Variants in KCNH1 observed in about 807,000 individuals in gnomAD.
KCNH1 encodes the protein voltage-gated delayed rectifier potassium channel KCNH1.
KCNH1 carries 27 observed loss-of-function variants against 69.2 expected under a neutral mutation model. The observed-to-expected ratio is 0.39, with a 90% CI of 0.29 to 0.54. The LOEUF is 0.54. Ranked by LOEUF, KCNH1 falls within the 20% of genes least tolerant of loss-of-function variation. The probability of loss-of-function intolerance (pLI) is 0.68; values close to 1 mark genes in which losing one functional copy is unlikely to be tolerated. For missense variants in KCNH1, 798 were observed against 1,261.6 expected, an observed-to-expected ratio of 0.63 and a Z score of 5.57; for synonymous variants, 456 against 487.7, an observed-to-expected ratio of 0.93 and a Z score of 0.86.
rs1332878510 is a variant in KCNH1 at position 211,085,758 on chromosome 1, T to C, written c.440-2860A>G. Among the ~76,000 whole-genome samples, 3 of 152,286 alleles carry C rather than the reference T, an allele frequency of 2.0e-5. No homozygotes were observed. The East Asian group carries it at 5.8e-4, about 29-fold the overall frequency. On this transcript the variant is annotated intron_variant, in intron 4 of 10. Transcript: ENST00000271751. ...AACCAGTTTGGTGAAAGATAATATG[T>C]ACAATTTGGACCAACAGTGTCCCTT...
intron 3 of KCNH1, among the ~76,000 whole-genome samples, chr1:211,099,112 ATTCT>A (rs1276900913): frequency 1.4e-4 from 22 of 152,226 alleles, no homozygotes; most frequent in Admixed American, 1.2e-3. Context: ...CATTAATAAA[ATTCT>A]TTCTAAATTA....
chr1:211,061,029 T>G (rs1690425043), intron 5 of KCNH1, among the ~76,000 whole-genome samples: 1 of 152,082 alleles, frequency 6.6e-6, no homozygotes, highest in African/African-American at 2.4e-5. Context: ...CAGGCCAATA[T>G]CCCTGATGAA....
intron 6 of KCNH1, among the ~76,000 whole-genome samples, chr1:210,967,938 A>G (rs1256020487): frequency 2.0e-5 from 3 of 151,818 alleles, no homozygotes. Flanking sequence ...ACATATGTAT[A>G]CATGTGCCAT....
rs1237048579 is a variant in KCNH1, at chr1:211,005,826, T to C, written c.1032+12957A>G. 3.9e-5 allele frequency among the ~76,000 whole-genome samples: 6 copies of C among 152,004 alleles called. No homozygotes were observed. The South Asian group carries it at 1.2e-3, about 32-fold the overall frequency. ...AAACACACAGTAGGGAAAAAAATATTTACAGCACATATAACCCATAAAGGG... is the reference window on the plus strand; with the variant it reads ...AAACACACAGTAGGGAAAAAAATATCTACAGCACATATAACCCATAAAGGG... On this transcript the variant is annotated intron_variant, in intron 6 of 10. Coordinates refer to ENST00000271751, the MANE Select transcript of KCNH1 (RefSeq NM_172362.3).
At chr1:211,113,089 G>GT (rs1001118348) in intron 1 of KCNH1, among the ~76,000 whole-genome samples, 2 of 151,888 alleles carry the variant, frequency 1.3e-5, no homozygotes, top group Admixed American at 6.6e-5. Flanking sequence ...ATATATCATG[G>GT]TTTTTTTCAA....
chr1:210,882,127 G>A lies in KCNH1; in HGVS notation c.1462+37513C>T, dbSNP rs112070513. On this transcript the variant is annotated intron_variant, in intron 7 of 10. Transcript: ENST00000271751. Reference sequence around the variant, plus strand: ...AATGGTGGAGGCTGTGCATGGGTGGGGGTAAGAGATACATGAGAAATCTCT... The same window carrying A: ...AATGGTGGAGGCTGTGCATGGGTGGAGGTAAGAGATACATGAGAAATCTCT... Among the ~76,000 whole-genome samples the A allele has an allele frequency of 4.1e-3, 624 of 152,130 alleles. 8 individuals are homozygous for A. Among genetic ancestry groups the A allele is most frequent in the African/African-American group, 0.015 (605 of 41,502 alleles).
intron 7 of KCNH1, among the ~76,000 whole-genome samples, chr1:210,850,577 T>G (rs1420687903): frequency 6.6e-6 from 1 of 152,190 alleles, no homozygotes; most frequent in African/African-American, 2.4e-5. Flanking sequence ...AGAAATTAAC[T>G]GCTGAATCCA....
intron 5 of KCNH1, among the ~76,000 whole-genome samples, chr1:211,051,350 C>G (rs1180501505): frequency 1.3e-5 from 2 of 152,016 alleles, no homozygotes; most frequent in East Asian, 3.9e-4. Context: ...AGGCGGCAAA[C>G]CTGAAACCAA....
chr1:210,690,988 GA>G (rs1300020254), intron 10 of KCNH1, among the ~76,000 whole-genome samples: 1 of 152,218 alleles, frequency 6.6e-6, no homozygotes, highest in Non-Finnish European at 1.5e-5. Flanking sequence ...ACACGCTTTG[GA>G]AGTCAGGCGG....
At chr1:210,811,461 C>T (rs1330639898) in intron 7 of KCNH1, among the ~76,000 whole-genome samples, 1 of 152,104 alleles carries the variant, frequency 6.6e-6, no homozygotes, top group Admixed American at 6.5e-5. Flanking sequence ...ATGGGGTCTA[C>T]CAAGTCATTC....
intron 7 of KCNH1, among the ~76,000 whole-genome samples, chr1:210,855,680 ACCTGCCC>A: frequency 6.6e-6 from 1 of 152,298 alleles, no homozygotes; most frequent in East Asian, 1.9e-4. Flanking sequence ...ATTTGGGGTC[ACCTGCCC>A]TCCCCACTCA....
chr1:211,087,639 GCACACACACACA>G lies in KCNH1; in HGVS notation c.439+2911_439+2922del, dbSNP rs5780626. 3.4e-4 allele frequency among the ~76,000 whole-genome samples: 48 copies of G among 140,654 alleles called. No homozygotes were observed. The South Asian group carries it at 9.8e-3, about 29-fold the overall frequency. 92.3% of individuals were successfully genotyped at this position (140,654 alleles called of 152,430 possible). Reference sequence around the variant, plus strand: ...CACACACACACACACACACACACACGCACACACACACACACACACACACACCCCAGAGCTGTT... The same window carrying G: ...CACACACACACACACACACACACACGCACACACACACACCCCAGAGCTGTT... On this transcript the variant is annotated intron_variant, in intron 4 of 10. Transcript: ENST00000271751.
chr1:210,795,962 A>AACACACACACACACAC (rs369505764), intron 9 of KCNH1, among the ~76,000 whole-genome samples: 76 of 136,090 alleles, frequency 5.6e-4, no homozygotes, highest in East Asian at 2.3e-3. Context: ...CTCTACTAAA[A>AACACACACACACACAC]ACACACACAC....
chr1:210,862,830 T>A (rs1686008668), intron 7 of KCNH1, among the ~76,000 whole-genome samples: 1 of 152,192 alleles, frequency 6.6e-6, no homozygotes, highest in African/African-American at 2.4e-5. Context: ...GGCCCTTATC[T>A]CAGCTTAAGG....
chr1:211,018,255 T>C (rs1689527177), intron 6 of KCNH1, among the ~76,000 whole-genome samples: 1 of 152,208 alleles, frequency 6.6e-6, no homozygotes, highest in Non-Finnish European at 1.5e-5. Flanking sequence ...GATGCCTGAC[T>C]ACCTCAGTAA....
intron 6 of KCNH1, among the ~76,000 whole-genome samples, chr1:211,008,174 G>C (rs531610877): frequency 2.4e-4 from 37 of 152,260 alleles, no homozygotes; most frequent in African/African-American, 8.9e-4. Flanking sequence ...TGGGTGAATG[G>C]ATAAACAAAA....
chr1:210,824,006 G>A (rs1431686237), intron 7 of KCNH1, among the ~76,000 whole-genome samples: 1 of 151,990 alleles, frequency 6.6e-6, no homozygotes. Context: ...TCACTATATT[G>A]CTCAGTCTGG....
At chr1:210,948,357 T>C (rs535615333) in intron 6 of KCNH1, among the ~76,000 whole-genome samples, 77 of 152,254 alleles carry the variant, frequency 5.1e-4, no homozygotes, top group African/African-American at 1.7e-3. Context: ...CTATGTAAAT[T>C]ATGTGCACAT....
At chr1:211,039,443 G>A (rs948729882) in intron 5 of KCNH1, among the ~76,000 whole-genome samples, 1 of 152,142 alleles carries the variant, frequency 6.6e-6, no homozygotes, top group Non-Finnish European at 1.5e-5. Flanking sequence ...TGTGAGAAGA[G>A]GGCCACCATC....
Sources: gnomAD v4.1 joint callset for allele counts (sites outside exome capture counted in the v4.1 genomes callset) on GRCh38, gnomAD v4.1.1 for gene constraint, MANE v1.5 for transcripts, NCBI Gene and HGNC (gene_info 2026-07-23, HGNC 2026-07-21) for gene names.